The following ABCC1 variants were observed in gnomAD, a reference collection of about 807,000 sequenced individuals.
ABCC1 encodes multidrug resistance-associated protein 1.
ABCC1 carries 83 observed loss-of-function variants against 172.9 expected under a neutral mutation model. That is an observed-to-expected ratio of 0.48 (90% CI 0.40 to 0.58). ABCC1 has a LOEUF of 0.58. Ranked by LOEUF, ABCC1 falls within the 20% of genes least tolerant of loss-of-function variation. The pLI, the probability that ABCC1 is intolerant of heterozygous loss-of-function variation, is 0.00. For synonymous variants in ABCC1, 937 were observed against 825.2 expected (o/e 1.14, Z -2.32); for missense variants, 1,817 against 2,002.7 (o/e 0.91, Z 1.77).
chr16:16,016,755 A>C, intron 5 of ABCC1, 134 bp downstream of exon 5: 25 of 1,297,080 alleles, frequency 1.9e-5, no homozygotes, highest in Non-Finnish European at 2.6e-5. Flanking sequence ...AGGGAATATC[A>C]TCCCACCTAC....
rs1054619483 is a variant in ABCC1 at position 16,031,512 on chromosome 16, G to A, written c.616-1597G>A. Among the ~76,000 whole-genome samples the A allele has an allele frequency of 3.3e-5, 5 of 152,076 alleles. No homozygotes were observed. The South Asian group carries it at 6.2e-4, about 19-fold the overall frequency. The stretch of plus-strand genomic sequence containing the variant: ...TTAGAATCTCTCAGTACTTCCCATT[G>A]CCCTTAGAATGAAGACCAAAATATG... On this transcript the variant is annotated intron_variant, in intron 5 of 30. Transcript: ENST00000399410.
At chr16:16,038,913 A>C (rs564611913) in intron 7 of ABCC1, among the ~76,000 whole-genome samples, 1 of 152,172 alleles carries the variant, frequency 6.6e-6, no homozygotes, top group Non-Finnish European at 1.5e-5. Context: ...GGAGAGGCCA[A>C]TATCACAGCC....
At chr16:16,010,017 G>T in intron 3 of ABCC1, 116 bp downstream of exon 3, 2 of 396,068 alleles carry the variant, frequency 5.0e-6, no homozygotes, top group Non-Finnish European at 3.9e-6. Flanking sequence ...GCTGGAGCTG[G>T]GATATAAATT....
chr16:16,078,476 T>C (rs1275744070), intron 15 of ABCC1, among the ~76,000 whole-genome samples: 5 of 152,200 alleles, frequency 3.3e-5, no homozygotes, highest in African/African-American at 1.2e-4. Flanking sequence ...AACCCTTTGG[T>C]GGCTCCCGGC....
intron 1 of ABCC1, among the ~76,000 whole-genome samples, chr16:15,986,001 C>T (rs1249705393): frequency 6.6e-6 from 1 of 151,874 alleles, no homozygotes; most frequent in Non-Finnish European, 1.5e-5. Context: ...GAGACGGAAT[C>T]TCAGCTCACT....
At chr16:16,030,805 C>G (rs2048534273) in intron 5 of ABCC1, among the ~76,000 whole-genome samples, 1 of 152,024 alleles carries the variant, frequency 6.6e-6, no homozygotes, top group Non-Finnish European at 1.5e-5. Context: ...GCACCCAGAA[C>G]CAGCTTAATC....
At chr16:16,121,912 C>A in intron 23 of ABCC1, 63 bp from the exon 24 acceptor site, 1 of 1,575,170 alleles carries the variant, frequency 6.3e-7, no homozygotes, top group East Asian at 2.2e-5. Context: ...CAGCACAGCC[C>A]TGCCCTGGGA....
At chr16:15,987,852 C>T (rs1224787956) in intron 1 of ABCC1, among the ~76,000 whole-genome samples, 1 of 152,240 alleles carries the variant, frequency 6.6e-6, no homozygotes, top group Admixed American at 6.5e-5. Context: ...AATGCCAGGC[C>T]TGGTCTGACT....
At chr16:16,098,770 C>T in intron 19 of ABCC1, 1 of 1,096,846 alleles carries the variant, frequency 9.1e-7, no homozygotes, top group Non-Finnish European at 1.3e-6. Context: ...TGCCTCTCCC[C>T]CTTTAGAAAA....
At chr16:16,028,491 C>G (rs957499304) in intron 5 of ABCC1, among the ~76,000 whole-genome samples, 1 of 152,150 alleles carries the variant, frequency 6.6e-6, no homozygotes, top group Non-Finnish European at 1.5e-5. Flanking sequence ...GCACCTTGGT[C>G]TTTCACAGTG....
At chr16:16,109,425 C>T (rs1162934083) in intron 21 of ABCC1, among the ~76,000 whole-genome samples, 1 of 152,134 alleles carries the variant, frequency 6.6e-6, no homozygotes, top group Non-Finnish European at 1.5e-5. Flanking sequence ...CATTGTCCTG[C>T]CTTGGCCTCC....
intron 14 of ABCC1, among the ~76,000 whole-genome samples, chr16:16,075,691 C>T (rs2050531051): frequency 6.6e-6 from 1 of 152,190 alleles, no homozygotes; most frequent in Non-Finnish European, 1.5e-5. Flanking sequence ...CTCTCCCCTT[C>T]CCTGTGCCCT....
In ABCC1 at chr16:16,090,421, C is replaced by CG; in HGVS notation, c.2478dup (p.His827AlafsTer22). On this transcript the variant is annotated frameshift_variant, in exon 19 of 31. Coordinates refer to ENST00000399410, the MANE Select transcript of ABCC1 (RefSeq NM_004996.4). LOFTEE classifies it high-confidence loss of function. ...TGCCCACAGACGCGGATCTTGGTCA[C>CG]GCACAGCATGAGCTACTTGCCGCAG... 6.2e-7 allele frequency: 1 copy of CG among 1,605,964 alleles called. No individual in the cohort carries two copies. The highest frequency in any genetic ancestry group is 8.5e-7 in the Non-Finnish European group (1 of 1,174,966).
chr16:16,010,037 CTTTTTTTTTTTTT>C, intron 3 of ABCC1, 136 bp downstream of exon 3: 2 of 105,666 alleles, frequency 1.9e-5, no homozygotes, highest in Non-Finnish European at 3.1e-5. Context: ...TAAATGTAGC[CTTTTTTTTTTTTT>C]TTTTTTTTTT....
At chr16:16,130,738 T>C (rs1036007120) in intron 26 of ABCC1, among the ~76,000 whole-genome samples, 2 of 152,224 alleles carry the variant, frequency 1.3e-5, no homozygotes, top group Non-Finnish European at 2.9e-5. Flanking sequence ...CAAGCTGTTA[T>C]TCATTTCCTT....
At chr16:16,080,879 G>GTTTT (rs3072717) in intron 16 of ABCC1, among the ~76,000 whole-genome samples, 126,883 of 151,772 alleles carry the variant, frequency 0.84, 53,136 homozygotes, top group African/African-American at 0.85. Context: ...GTTGTTGTGG[G>GTTTT]TTTTGAGACA....
chr16:16,135,350 C>T (rs212084), intron 28 of ABCC1, among the ~76,000 whole-genome samples: 52,313 of 152,108 alleles, frequency 0.34, 10,196 homozygotes, highest in Non-Finnish European at 0.43. Flanking sequence ...GCTCCAGTGT[C>T]TATCATTTCC....
Position 16,124,885 on chromosome 16 carries a change from G to C in ABCC1, c.3687G>C (p.Leu1229Phe), listed in dbSNP as rs375128145. 2 of 1,614,068 alleles carry C rather than the reference G, an allele frequency of 1.2e-6. No individual in the cohort carries two copies. Among genetic ancestry groups the C allele is most frequent in the Non-Finnish European group, 1.7e-6 (2 of 1,180,038 alleles). Residue 1229 changes from leucine (L) to phenylalanine (F), a missense_variant, in exon 25 of 31, where the codon TTG (leucine) becomes TTC (phenylalanine). Physicochemically the swap from Leu to Phe is conservative, Grantham distance 22. Coordinates refer to ENST00000399410, the MANE Select transcript of ABCC1 (RefSeq NM_004996.4). The stretch of plus-strand genomic sequence containing the variant: ...CCAGGCACAGCCTCAGTGCTGGCTT[G>C]GTGGGCCTCTCAGTGTCTTACTCAT... The part of the protein sequence containing the change: ...VISRHSLSAG[L>F]VGLSVSYSLQ...
At chr16:16,062,845 C>A (rs2049972668) in intron 12 of ABCC1, among the ~76,000 whole-genome samples, 1 of 152,118 alleles carries the variant, frequency 6.6e-6, no homozygotes, top group African/African-American at 2.4e-5. Flanking sequence ...GACTGTTTTT[C>A]TGGAATGGCA....
Sources: allele counts gnomAD v4.1 joint callset (sites outside exome capture counted in the v4.1 genomes callset), GRCh38; gene constraint gnomAD v4.1.1; transcripts MANE v1.5; gene names NCBI Gene and HGNC (gene_info 2026-07-23, HGNC 2026-07-21).